The following ADAMTSL1 variants were observed in gnomAD, a reference collection of about 807,000 sequenced individuals.
The protein encoded by ADAMTSL1 is ADAMTS like 1.
A neutral mutation model predicts 201.8 loss-of-function variants in ADAMTSL1; 126 were observed. The ratio of observed to expected loss-of-function variants is 0.62; its 90% CI spans 0.54 to 0.72. ADAMTSL1 has a LOEUF of 0.72. Ranked by LOEUF, ADAMTSL1 falls within the 30% of genes least tolerant of loss-of-function variation. The pLI is 0.00. For missense variants in ADAMTSL1, 2,679 were observed against 2,277.8 expected, an observed-to-expected ratio of 1.18 and a Z score of -3.59; for synonymous variants, 1,121 against 903.4, an observed-to-expected ratio of 1.24 and a Z score of -4.32.
At chr9:18,161,910 A>G (rs1347447597) in intron 1 of ADAMTSL1, among the ~76,000 whole-genome samples, 1 of 152,056 alleles carries the variant, frequency 6.6e-6, no homozygotes, top group African/African-American at 2.4e-5. Context: ...GTTAGTTCTT[A>G]TGAAACTCAG....
chr9:18,526,459 G>T (rs1564019265), intron 2 of ADAMTSL1, among the ~76,000 whole-genome samples: 1 of 152,136 alleles, frequency 6.6e-6, no homozygotes, highest in African/African-American at 2.4e-5. Context: ...ATATTGTTAT[G>T]TGTGAATTTG....
chr9:18,048,817 ATCCCATATG>A (rs1283658718), intron 1 of ADAMTSL1, among the ~76,000 whole-genome samples: 2 of 152,194 alleles, frequency 1.3e-5, no homozygotes, highest in Middle Eastern at 3.2e-3. Context: ...CAGACAGTCC[ATCCCATATG>A]TCTATTACTC....
intron 24 of ADAMTSL1, 33 bp downstream of exon 24, chr9:18,888,076 T>G (rs1829015607): frequency 6.3e-7 from 1 of 1,594,750 alleles, no homozygotes; most frequent in Non-Finnish European, 8.6e-7. Context: ...CATACTGGAC[T>G]TGAACAAGAA....
At chr9:18,158,841 C>G (rs1827266417) in intron 1 of ADAMTSL1, among the ~76,000 whole-genome samples, 1 of 151,854 alleles carries the variant, frequency 6.6e-6, no homozygotes, top group Admixed American at 6.6e-5. Flanking sequence ...CTCTGTGACA[C>G]TTTAGTTTTC....
intron 2 of ADAMTSL1, among the ~76,000 whole-genome samples, chr9:18,238,978 G>A (rs1260241499): frequency 1.3e-5 from 2 of 152,126 alleles, no homozygotes; most frequent in Non-Finnish European, 2.9e-5. Context: ...GTTTCCCAGT[G>A]CATATAAAAG....
At chr9:18,170,064 T>A (rs2055236197) in intron 2 of ADAMTSL1, among the ~76,000 whole-genome samples, 1 of 151,898 alleles carries the variant, frequency 6.6e-6, no homozygotes, top group Non-Finnish European at 1.5e-5. Flanking sequence ...ACATCCTACA[T>A]AGTTTGTAAA....
intron 1 of ADAMTSL1, among the ~76,000 whole-genome samples, chr9:18,146,212 T>C (rs1189851697): frequency 6.6e-6 from 1 of 152,152 alleles, no homozygotes; most frequent in Admixed American, 6.6e-5. Flanking sequence ...TTACATACCA[T>C]AGTTACTGTA....
At chr9:18,647,957 T>G (rs1238779918) in intron 7 of ADAMTSL1, among the ~76,000 whole-genome samples, 1 of 149,884 alleles carries the variant, frequency 6.7e-6, no homozygotes, top group Non-Finnish European at 1.5e-5. Context: ...ACTTTCTGTC[T>G]TGTTGATCCG....
chr9:18,228,430 A>G (rs942941768), intron 2 of ADAMTSL1, among the ~76,000 whole-genome samples: 2 of 151,942 alleles, frequency 1.3e-5, no homozygotes, highest in Non-Finnish European at 2.9e-5. Flanking sequence ...ATTTATTCTT[A>G]TTGGTTGATT....
chr9:18,483,382 C>A (rs1821826531), intron 1 of ADAMTSL1, among the ~76,000 whole-genome samples: 1 of 152,116 alleles, frequency 6.6e-6, no homozygotes, highest in Non-Finnish European at 1.5e-5. Context: ...CTATTGAGTT[C>A]ATTCTCCTGT....
intron 2 of ADAMTSL1, among the ~76,000 whole-genome samples, chr9:18,167,662 A>G (rs1827694185): frequency 1.3e-5 from 2 of 151,994 alleles, no homozygotes. Context: ...CTCAACCAAT[A>G]CATACATTCT....
chr9:18,906,491 G>A (rs1161149989), intron 27 of ADAMTSL1, among the ~76,000 whole-genome samples: 2 of 152,168 alleles, frequency 1.3e-5, no homozygotes, highest in Non-Finnish European at 2.9e-5. Flanking sequence ...AAGAGCAGAT[G>A]GAGGCCCAGT....
At chr9:17,978,367 A>AT (rs1563930158) in intron 1 of ADAMTSL1, among the ~76,000 whole-genome samples, 1 of 149,852 alleles carries the variant, frequency 6.7e-6, no homozygotes, top group East Asian at 2.0e-4. Context: ...TTCCTTTGTT[A>AT]TTTTTTCCTT....
chr9:18,774,824 G>T (rs1331176253), intron 17 of ADAMTSL1, among the ~76,000 whole-genome samples: 1 of 152,072 alleles, frequency 6.6e-6, no homozygotes, highest in Admixed American at 6.5e-5. Context: ...TGGCAATTAT[G>T]AATCATACTG....
upstream of ADAMTSL1, among the ~76,000 whole-genome samples, chr9:18,469,314 C>G (rs77235834): frequency 1.1e-3 from 166 of 152,294 alleles, no homozygotes; most frequent in Admixed American, 2.5e-3. Flanking sequence ...CCCTTTCCCT[C>G]TTTGGAGATA....
intron 1 of ADAMTSL1, among the ~76,000 whole-genome samples, chr9:18,035,923 G>A (rs1821175924): frequency 6.6e-6 from 1 of 152,078 alleles, no homozygotes; most frequent in Admixed American, 6.6e-5. Context: ...GCTGGTGATG[G>A]GGACCTATAG....
chr9:18,182,991 G>C (rs375987291), intron 2 of ADAMTSL1, among the ~76,000 whole-genome samples: 1 of 152,132 alleles, frequency 6.6e-6, no homozygotes, highest in Non-Finnish European at 1.5e-5. Flanking sequence ...GTGTTACTGG[G>C]TTCAAAACTA....
intron 2 of ADAMTSL1, among the ~76,000 whole-genome samples, chr9:18,346,265 C>T (rs912007777): frequency 4.6e-5 from 7 of 152,170 alleles, no homozygotes; most frequent in Non-Finnish European, 7.4e-5. Context: ...TGTTCCTAGA[C>T]ACTGCATATA....
At chr9:17,986,087 T>C (rs1818916692) in intron 1 of ADAMTSL1, among the ~76,000 whole-genome samples, 1 of 152,116 alleles carries the variant, frequency 6.6e-6, no homozygotes, top group African/African-American at 2.4e-5. Context: ...GGCCAACAAA[T>C]ACCAATTCAG....
Sources: gnomAD v4.1 joint callset for allele counts (sites outside exome capture counted in the v4.1 genomes callset) on GRCh38, gnomAD v4.1.1 for gene constraint, MANE v1.5 for transcripts, NCBI Gene and HGNC (gene_info 2026-07-23, HGNC 2026-07-21) for gene names.